The following SIL1 variants were observed in gnomAD, a reference collection of about 807,000 sequenced individuals.
SIL1 encodes SIL1 nucleotide exchange factor.
In SIL1, 40 loss-of-function variants were observed where a neutral mutation model predicts 49.1. That is an observed-to-expected ratio of 0.81 (90% CI 0.63 to 1.06). SIL1 has a LOEUF of 1.06. SIL1 is among the 50% of genes least tolerant of loss of function. The pLI, the probability that SIL1 is intolerant of heterozygous loss-of-function variation, is 0.00. For missense variants in SIL1, 500 were observed against 572.6 expected, an observed-to-expected ratio of 0.87 and a Z score of 1.29; for synonymous variants, 253 against 250.8, an observed-to-expected ratio of 1.01 and a Z score of -0.08.
intron 7 of SIL1, among the ~76,000 whole-genome samples, chr5:139,011,033 T>C (rs1768252243): frequency 6.7e-6 from 1 of 149,828 alleles, no homozygotes; most frequent in African/African-American, 2.4e-5. Flanking sequence ...TAAGCAAGCC[T>C]GGGCAATGGC....
intron 7 of SIL1, among the ~76,000 whole-genome samples, chr5:138,979,554 A>G (rs957146055): frequency 3.9e-5 from 6 of 152,236 alleles, no homozygotes; most frequent in Admixed American, 2.6e-4. Context: ...CACAGGCTGG[A>G]GTGCAGTGGC....
rs142292643 is a variant in SIL1, at chr5:139,074,585, A to G, written c.245-23539T>C. On this transcript the variant is annotated intron_variant, in intron 3 of 9. Transcript: ENST00000394817. ...GAACAAGATGCTGAGTTCAACCTCA[A>G]TGCCTTTATTCCACATGACCTTGAA... Among the ~76,000 whole-genome samples the G allele has an allele frequency of 6.6e-5, 10 of 152,296 alleles. No individual in the cohort carries two copies. The East Asian group carries it at 1.7e-3, about 26-fold the overall frequency.
intron 3 of SIL1, among the ~76,000 whole-genome samples, chr5:139,117,937 G>A (rs1418445168): frequency 1.3e-5 from 2 of 152,044 alleles, no homozygotes; most frequent in Non-Finnish European, 2.9e-5. Context: ...GCCTTCAAAT[G>A]AGCACAGCCA....
intron 1 of SIL1, among the ~76,000 whole-genome samples, chr5:139,132,713 G>A (rs537110328): frequency 5.3e-5 from 8 of 152,300 alleles, no homozygotes; most frequent in African/African-American, 1.4e-4. Flanking sequence ...AGTGTTCTCC[G>A]TCCTTTTAAG....
At chr5:139,164,461 C>T (rs963752648) in intron 1 of SIL1, among the ~76,000 whole-genome samples, 18 of 152,268 alleles carry the variant, frequency 1.2e-4, no homozygotes, top group Non-Finnish European at 1.2e-4. Context: ...AGAACCTTCC[C>T]TAACAAGGCA....
At chr5:139,130,287 A>G (rs926611197) in intron 1 of SIL1, among the ~76,000 whole-genome samples, 1 of 152,138 alleles carries the variant, frequency 6.6e-6, no homozygotes. Flanking sequence ...CTGCCACTAA[A>G]AAAAATAAAA....
chr5:139,070,743 G>GA (rs1476791352), intron 3 of SIL1, among the ~76,000 whole-genome samples: 7 of 151,562 alleles, frequency 4.6e-5, no homozygotes, highest in Non-Finnish European at 7.4e-5. Context: ...GTTTGTAAAG[G>GA]GAAAAAAAAC....
intron 7 of SIL1, among the ~76,000 whole-genome samples, chr5:138,981,765 T>C (rs1767529202): frequency 1.3e-5 from 2 of 152,126 alleles, no homozygotes; most frequent in African/African-American, 2.4e-5. Context: ...CCCAAGTCAG[T>C]CCTGTAGGAA....
In SIL1 at chr5:139,070,392, G is replaced by C. The variant is rs567475969; in HGVS notation, c.245-19346C>G. ...GAATATGAATAGGCAGTACCCACTT[G>C]AATGTATGAGGATTATAACATATAT... On this transcript the variant is annotated intron_variant, in intron 3 of 9. Coordinates refer to ENST00000394817, the MANE Select transcript of SIL1 (RefSeq NM_022464.5). Among the ~76,000 whole-genome samples, 9 of 152,256 alleles carry C rather than the reference G, an allele frequency of 5.9e-5. No homozygotes were observed. The East Asian group carries it at 1.5e-3, about 26-fold the overall frequency.
intron 1 of SIL1, among the ~76,000 whole-genome samples, chr5:139,166,289 G>A (rs1241763339): frequency 2.0e-5 from 3 of 152,126 alleles, no homozygotes; most frequent in African/African-American, 7.2e-5. Context: ...GATGACAATG[G>A]AGCTGAAACA....
chr5:138,950,791 A>T (rs1257836708), intron 9 of SIL1, among the ~76,000 whole-genome samples: 1 of 152,182 alleles, frequency 6.6e-6, no homozygotes, highest in Non-Finnish European at 1.5e-5. Flanking sequence ...CCACGTTTCT[A>T]GAATCCGAAG....
intron 1 of SIL1, among the ~76,000 whole-genome samples, chr5:139,129,431 T>A (rs1750817540): frequency 6.6e-6 from 1 of 152,154 alleles, no homozygotes; most frequent in South Asian, 2.1e-4. Context: ...ACGCCTGTAA[T>A]CCCAGCCAAG....
rs774835703 is a variant in SIL1, at chr5:139,021,184, C to T, written c.754G>A (p.Ala252Thr). ...VKEYAAFVLG[A>T]AFSSNPKVQV... ...TATACTGCTCACCTGGAAAAGGCAG[C>T]GCCCAGCACAAACGCAGCATACTCC... Residue 252 changes from alanine to threonine, a missense_variant, in exon 7 of 10, where the codon GCT becomes ACT. By Grantham distance (58) the Ala-to-Thr change is moderately conservative (BLOSUM62 0). Coordinates refer to ENST00000394817, the MANE Select transcript of SIL1 (RefSeq NM_022464.5). 13 of 1,613,992 alleles carry T rather than the reference C, an allele frequency of 8.1e-6. No individual in the cohort carries two copies. Among genetic ancestry groups the T allele is most frequent in the African/African-American group, 1.3e-5 (1 of 74,906 alleles).
chr5:139,070,477 C>T (rs1769808014), intron 3 of SIL1, among the ~76,000 whole-genome samples: 3 of 152,112 alleles, frequency 2.0e-5, no homozygotes, highest in Non-Finnish European at 4.4e-5. Flanking sequence ...CAGTAATGAG[C>T]GACCTAATGG....
In SIL1 at chr5:139,165,931, G is replaced by A. The variant is rs146352113; in HGVS notation, c.-11+32338C>T. Among the ~76,000 whole-genome samples, 1,507 of 152,128 alleles carry A rather than the reference G, an allele frequency of 9.9e-3. 26 individuals are homozygous for A. Among genetic ancestry groups the A allele is most frequent in the African/African-American group, 0.028 (1,172 of 41,494 alleles). On this transcript the variant is annotated intron_variant, in intron 1 of 9. Coordinates refer to ENST00000394817, the MANE Select transcript of SIL1 (RefSeq NM_022464.5). The stretch of plus-strand genomic sequence containing the variant: ...GCCCACCTAGGCCTCCCAAAGTGCT[G>A]GGATTACAGGCCTGAGCCACCACGC...
rs1767823453 is a variant in SIL1 at position 138,994,598 on chromosome 5, G to A, written c.767+26573C>T. Among the ~76,000 whole-genome samples, 4 of 152,148 alleles carry A rather than the reference G, an allele frequency of 2.6e-5. No homozygotes were observed. In the South Asian group the frequency reaches 8.3e-4, roughly 32 times the overall value. On this transcript the variant is annotated intron_variant, in intron 7 of 9. Transcript: ENST00000394817. ...TGTTTTGTTGAGCCTCACAGAGTAT[G>A]CCTAAAATCCATATGGAAGAGTAAA...
intron 1 of SIL1, among the ~76,000 whole-genome samples, chr5:139,129,653 CAG>C (rs1193082459): frequency 6.6e-6 from 1 of 152,234 alleles, no homozygotes; most frequent in Non-Finnish European, 1.5e-5. Context: ...GCCTGGGCAA[CAG>C]AGCGAGACTC....
chr5:139,113,802 C>G (rs1369710394), intron 3 of SIL1, among the ~76,000 whole-genome samples: 5 of 152,198 alleles, frequency 3.3e-5, no homozygotes, highest in African/African-American at 1.2e-4. Context: ...GTTCTCTGAA[C>G]TAAAACAAAG....
chr5:139,171,069 A>C (rs1581149315), intron 1 of SIL1, among the ~76,000 whole-genome samples: 1 of 130,194 alleles, frequency 7.7e-6, no homozygotes, highest in Non-Finnish European at 1.6e-5. Context: ...CCCGTCCGGG[A>C]GGGAGGTGGG....
Sources: allele counts gnomAD v4.1 joint callset (sites outside exome capture counted in the v4.1 genomes callset), GRCh38; gene constraint gnomAD v4.1.1; transcripts MANE v1.5; gene names NCBI Gene and HGNC (gene_info 2026-07-23, HGNC 2026-07-21).